Variants in LOC400499 observed in about 807,000 individuals in gnomAD.
At chr16:11,468,092 A>C in the LOC400499 span, among the ~76,000 whole-genome samples, 755 of 150,090 alleles carry the variant, frequency 5.0e-3, 6 homozygotes, top group African/African-American at 0.018. Context: ...CAGGTGGGGA[A>C]AAAAAAAACA....
At chr16:11,456,102 T>C in the LOC400499 span, among the ~76,000 whole-genome samples, 1 of 151,220 alleles carries the variant, frequency 6.6e-6, no homozygotes, top group Admixed American at 6.6e-5. Context: ...TGGAGTGCAG[T>C]GGTGTGATCT....
chr16:11,438,733 G>A, the LOC400499 span, among the ~76,000 whole-genome samples: 26 of 151,908 alleles, frequency 1.7e-4, no homozygotes, highest in Non-Finnish European at 3.8e-4. Flanking sequence ...AGGCTGAAGT[G>A]AGCCATGATT....
chr16:11,451,825 C>T, the LOC400499 span, among the ~76,000 whole-genome samples: 1 of 152,110 alleles, frequency 6.6e-6, no homozygotes, highest in African/African-American at 2.4e-5. Context: ...GGGACAAAGA[C>T]ACAGTGACGG....
At chr16:11,383,603 C>A in the LOC400499 span, 1 of 1,232,274 alleles carries the variant, frequency 8.1e-7, no homozygotes. Flanking sequence ...AAGGCAGATG[C>A]CAGACGGGGC....
chr16:11,386,095 A>G, the LOC400499 span, among the ~76,000 whole-genome samples: 5 of 152,124 alleles, frequency 3.3e-5, no homozygotes, highest in African/African-American at 9.7e-5. Flanking sequence ...GCTGGCGGGG[A>G]TGGGGGGAAA....
At chr16:11,384,089 C>T in the LOC400499 span, 1 of 1,229,328 alleles carries the variant, frequency 8.1e-7, no homozygotes. Context: ...CAGGAGACTT[C>T]CCCCAAACCC....
the LOC400499 span, chr16:11,448,027 T>C: frequency 1.3e-6 from 2 of 1,535,886 alleles, no homozygotes; most frequent in Non-Finnish European, 1.7e-6. Flanking sequence ...AGGCTGGCCC[T>C]GGGCACCAAT....
At chr16:11,448,802 G>A in the LOC400499 span, 1 of 770,952 alleles carries the variant, frequency 1.3e-6, no homozygotes, top group South Asian at 3.8e-5. Flanking sequence ...GAGGCCCAAG[G>A]TCACAGGCCA....
chr16:11,407,135 T>A, the LOC400499 span: 1 of 398,322 alleles, frequency 2.5e-6, no homozygotes, highest in African/African-American at 2.1e-5. Flanking sequence ...TTTTCTTTTC[T>A]CAAAGGGCTG....
chr16:11,497,915 G>C, the LOC400499 span, among the ~76,000 whole-genome samples: 2 of 152,182 alleles, frequency 1.3e-5, no homozygotes, highest in East Asian at 3.9e-4. Flanking sequence ...TCAGTTAGAA[G>C]TCTGTTTAAA....
At chr16:11,399,554 A>G in the LOC400499 span, 14 of 398,622 alleles carry the variant, frequency 3.5e-5, no homozygotes, top group East Asian at 4.3e-4. Flanking sequence ...GGTCTGCGTG[A>G]AGGCCCCGCA....
chr16:11,489,650 A>G, the LOC400499 span, among the ~76,000 whole-genome samples: 1 of 152,134 alleles, frequency 6.6e-6, no homozygotes, highest in Non-Finnish European at 1.5e-5. Flanking sequence ...ACTTATTCCC[A>G]CTGGACAATA....
At chr16:11,468,531 G>A in the LOC400499 span, among the ~76,000 whole-genome samples, 2 of 152,144 alleles carry the variant, frequency 1.3e-5, no homozygotes, top group African/African-American at 4.8e-5. Context: ...TTGCTATGTT[G>A]CCCAGGTTTA....
the LOC400499 span, among the ~76,000 whole-genome samples, chr16:11,398,764 A>T: frequency 6.6e-6 from 1 of 151,810 alleles, no homozygotes; most frequent in South Asian, 2.1e-4. Flanking sequence ...GGTTCAAGCG[A>T]TTCTCCCACC....
At chr16:11,479,181 G>A in the LOC400499 span, among the ~76,000 whole-genome samples, 6 of 152,020 alleles carry the variant, frequency 3.9e-5, no homozygotes, top group Non-Finnish European at 7.4e-5. Flanking sequence ...CAGATGAGGC[G>A]TGCAAAACTC....
At chr16:11,446,600 CTT>C in the LOC400499 span, 2 of 1,536,134 alleles carry the variant, frequency 1.3e-6, no homozygotes, top group Non-Finnish European at 1.7e-6. Flanking sequence ...CTGGGGATGA[CTT>C]TGCCATCGTA....
chr16:11,456,898 A>G, the LOC400499 span: 2 of 1,536,178 alleles, frequency 1.3e-6, no homozygotes, highest in Admixed American at 2.0e-5. Context: ...GTGTCCTTCC[A>G]CTGCCCGCCT....
the LOC400499 span, among the ~76,000 whole-genome samples, chr16:11,486,229 T>A: frequency 1.1e-5 from 1 of 90,532 alleles, no homozygotes. Context: ...TGGGTGGGTG[T>A]GTGGTTTGGT....
chr16:11,447,579 T>C, the LOC400499 span, among the ~76,000 whole-genome samples: 82 of 152,272 alleles, frequency 5.4e-4, 2 homozygotes, highest in East Asian at 0.014. Flanking sequence ...GCTCAATGCA[T>C]AGCCCGCAGT....
Sources: allele counts gnomAD v4.1 joint callset (sites outside exome capture counted in the v4.1 genomes callset), GRCh38; gene constraint gnomAD v4.1.1; transcripts MANE v1.5.